The following CCDC136 variants were observed in gnomAD, a reference collection of about 807,000 sequenced individuals.
The protein encoded by CCDC136 is coiled-coil domain-containing protein 136.
Under a neutral mutation model 141.2 loss-of-function variants are expected in CCDC136, and 100 were observed. That is an observed-to-expected ratio of 0.71 (90% CI 0.60 to 0.84). The LOEUF (loss-of-function observed/expected upper bound fraction) is 0.84, where lower values mean the gene tolerates loss of function less well. Among genes scored for constraint, CCDC136 ranks in the 40% least tolerant of loss-of-function variants. The probability of loss-of-function intolerance (pLI) is 0.00; values close to 1 mark genes in which losing one functional copy is unlikely to be tolerated. For synonymous variants in CCDC136, 474 were observed against 531.9 expected (o/e 0.89, Z 1.50); for missense variants, 1,206 against 1,379.4 (o/e 0.87, Z 1.99).
In CCDC136 at chr7:128,792,021, C is replaced by T. The variant is rs1369071592; in HGVS notation, c.-391C>T. 6 of 1,221,758 alleles carry T rather than the reference C, an allele frequency of 4.9e-6. No individual in the cohort carries two copies. The highest frequency in any genetic ancestry group is 6.1e-6 in the Non-Finnish European group (6 of 977,720). The allele number at this position is 1,221,758 out of a possible 1,614,324, so 75.7% of individuals were successfully genotyped here. On this transcript the variant is annotated 5_prime_UTR_variant, in exon 1 of 18. Transcript: ENST00000297788. ...AGCCTCTTCTTCACTGGCTCCCGCC[C>T]TCTTTCAGTCTTGGCCCTCTCCTCC...
rs569665750 is a variant in CCDC136 at position 128,817,305 on chromosome 7, A to C, written c.3364-453A>C. Among the ~76,000 whole-genome samples, 15 of 152,256 alleles carry C rather than the reference A, an allele frequency of 9.9e-5. No individual in the cohort carries two copies. The East Asian group carries it at 2.7e-3, about 27-fold the overall frequency. On this transcript the variant is annotated intron_variant, in intron 16 of 17. Transcript: ENST00000297788. This position sits in a 1 kb window ranked among gnomAD's most constrained non-coding sequence, Gnocchi z 4.6. ...CTTACAATGATATCATTAGATTCCT[A>C]GGGGATCTAAGGGACCAGAGCCCAA... is the stretch of plus-strand genomic sequence containing the variant.
At position 128,794,526 on chromosome 7, in the gene CCDC136, G is replaced by T. The variant is rs1486636906; in HGVS notation, c.195G>T (p.Val65=). Reference sequence around the variant, plus strand: ...AGCTGGAGGAGCTGCGGGCTCAGGTGCTGCAGCTGGTGGCAGAACTGGAGG... The same window carrying T: ...AGCTGGAGGAGCTGCGGGCTCAGGTTCTGCAGCTGGTGGCAGAACTGGAGG... ...ETELEELRAQ[V]LQLVAELEET... is the part of the protein sequence containing the mutation. The change falls in exon 2 of 18, where the codon GTG becomes GTT. Residue 65 remains valine, a synonymous_variant. Coordinates refer to ENST00000297788, the MANE Select transcript of CCDC136 (RefSeq NM_022742.5). The surrounding 1 kb of genome is among the most constrained non-coding windows in gnomAD (Gnocchi z 4.3). 6.4e-7 allele frequency: 1 copy of T among 1,553,864 alleles called. No individual in the cohort carries two copies. The highest frequency in any genetic ancestry group is 1.2e-5 in the South Asian group (1 of 84,122).
Position 128,810,253 on chromosome 7 carries a change from C to T in CCDC136, c.1915C>T (p.Gln639Ter), listed in dbSNP as rs1805507203. ...IQNQDCVLKEQLEIHEELRRF... is the reference protein window; with the variant it reads ...IQNQDCVLKE ...GAACCAAGACTGTGTATTAAAAGAA[C>T]AATTAGAGATCCACGAAGAGCTGCG... Residue 639 changes from glutamine (Q) to a stop codon, truncating the protein, a stop_gained, in exon 12 of 18, where the codon CAA becomes TAA. Transcript: ENST00000297788. LOFTEE classifies it high-confidence loss of function. 4 of 1,613,470 alleles carry T rather than the reference C, an allele frequency of 2.5e-6. No homozygotes were observed. The African/African-American group carries it at 4.0e-5, about 16-fold the overall frequency.
At chr7:128,791,717 C>T (rs912854855), upstream of CCDC136, 10 of 451,970 alleles carry the variant, frequency 2.2e-5, no homozygotes, top group Admixed American at 1.8e-4. The surrounding 1 kb of genome is among the most constrained non-coding windows in gnomAD (Gnocchi z 7.1). Flanking sequence ...TCCATCCTTC[C>T]GGCCTGGGAC....
rs542645733 is a variant in CCDC136 at position 128,815,022 on chromosome 7, G to A, written c.3045+103G>A. On this transcript the variant is annotated intron_variant, in intron 15 of 17. Coordinates refer to ENST00000297788, the MANE Select transcript of CCDC136 (RefSeq NM_022742.5). Reference sequence around the variant, plus strand: ...TTCAACCAGGCAAGGGATTTGTAGAGAAGCTTCTGGGATCTCTGAAGTGTC... The same window carrying A: ...TTCAACCAGGCAAGGGATTTGTAGAAAAGCTTCTGGGATCTCTGAAGTGTC... 36 of 1,027,860 alleles carry A rather than the reference G, an allele frequency of 3.5e-5. 2 individuals are homozygous for A. The African/African-American group carries it at 5.2e-4, about 15-fold the overall frequency. 63.7% of individuals were successfully genotyped at this position (1,027,860 alleles called of 1,614,324 possible).
At chr7:128,815,271 T>G (rs1806418608) in intron 15 of CCDC136, among the ~76,000 whole-genome samples, 2 of 152,204 alleles carry the variant, frequency 1.3e-5, no homozygotes, top group Admixed American at 1.3e-4. Context: ...GGGAGGAATT[T>G]GTTCAAAGTA....
chr7:128,797,951 T>C (rs1350405004), intron 3 of CCDC136, among the ~76,000 whole-genome samples: 1 of 151,432 alleles, frequency 6.6e-6, no homozygotes, highest in Non-Finnish European at 1.5e-5. Context: ...GGAGTCTCGC[T>C]GTGTCGCCCA....
intron 4 of CCDC136, 117 bp downstream of exon 4, chr7:128,801,626 A>G: frequency 1.3e-6 from 1 of 778,542 alleles, no homozygotes; most frequent in Admixed American, 2.9e-5. Context: ...AAAAACCTCC[A>G]GGTTGAATTC....
chr7:128,797,707 G>A (rs990391798), intron 3 of CCDC136, among the ~76,000 whole-genome samples: 2 of 152,174 alleles, frequency 1.3e-5, no homozygotes, highest in Non-Finnish European at 2.9e-5. Flanking sequence ...TAGTCATTTT[G>A]AAGAGAAGCA....
At chr7:128,813,859 G>C (rs1806147747) in intron 14 of CCDC136, among the ~76,000 whole-genome samples, 1 of 152,060 alleles carries the variant, frequency 6.6e-6, no homozygotes, top group Admixed American at 6.5e-5. Context: ...GCGCATGCCT[G>C]TAATGCCAGC....
rs751857925 is a variant in CCDC136, at chr7:128,812,812, A to G, written c.2646A>G (p.Glu882=). ...ACAGCCAGCTGCAAGAGCAGATGGA[A>G]AAGTTACTGGCCAAGCAGAAAGACC... ...EEHSQLQEQM[E]KLLAKQKDLK... is the part of the protein sequence containing the mutation. Residue 882 remains glutamate, a synonymous_variant, in exon 14 of 18, where the codon GAA becomes GAG. Transcript: ENST00000297788. 17 of 1,613,382 alleles carry G rather than the reference A, an allele frequency of 1.1e-5. No homozygotes were observed.
Position 128,810,326 on chromosome 7 carries a change from A to G in CCDC136, c.1988A>G (p.Asp663Gly). ...HFQEVLENPD[D>G]SKLAKSSKCN... is the part of the protein sequence containing the mutation. ...CAGGAAGTGTTGGAGAATCCCGATG[A>G]TTCCAAATTGGCTAAGTCCTCCAAA... The change falls in exon 12 of 18, where the codon GAT becomes GGT. Residue 663 changes from aspartate (D) to glycine (G), a missense_variant. By Grantham distance (94) the Asp-to-Gly change is moderately conservative. Coordinates refer to ENST00000297788, the MANE Select transcript of CCDC136 (RefSeq NM_022742.5). 6.2e-7 allele frequency: 1 copy of G among 1,613,996 alleles called. No individual in the cohort carries two copies. The highest frequency in any genetic ancestry group is 8.5e-7 in the Non-Finnish European group (1 of 1,179,870).
At chr7:128,811,406 T>A (rs1407989132) in intron 12 of CCDC136, 2 of 459,664 alleles carry the variant, frequency 4.4e-6, no homozygotes, top group Non-Finnish European at 8.7e-6. Flanking sequence ...CGGGGCTGAT[T>A]TTAGAACTAG....
At chr7:128,809,681 G>A in intron 11 of CCDC136, 37 bp downstream of exon 11, 4 of 1,428,892 alleles carry the variant, frequency 2.8e-6, no homozygotes, top group Non-Finnish European at 3.7e-6. Flanking sequence ...CTGCGGGGAA[G>A]CTGCTCTGAG....
rs756641920 is a variant in CCDC136 at position 128,812,104 on chromosome 7, G to A, written c.2333G>A (p.Ser778Asn). 2 of 1,614,006 alleles carry A rather than the reference G, an allele frequency of 1.2e-6. No homozygotes were observed. ...GAGAGCTATTACAAGAGTTACACCA[G>A]CACCCAGACCAGCAGCAAGAGCTTT... The part of the protein sequence containing the change: ...DNESYYKSYT[S>N]TQTSSKSFLK... Residue 778 changes from serine to asparagine, a missense_variant, in exon 13 of 18, where the codon AGC (serine) becomes AAC (asparagine). Transcript: ENST00000297788.
intron 5 of CCDC136, 81 bp downstream of exon 5, chr7:128,804,842 GC>G: frequency 1.2e-6 from 1 of 859,678 alleles, no homozygotes; most frequent in Non-Finnish European, 1.9e-6. Flanking sequence ...GAAGGCAGAT[GC>G]CAGGGCAGTG....
Position 128,806,353 on chromosome 7 carries a change from C to CA in CCDC136, c.1209dup (p.Val404SerfsTer12). 6.2e-7 allele frequency: 1 copy of CA among 1,604,344 alleles called. No homozygotes were observed. Among genetic ancestry groups the CA allele is most frequent in the Non-Finnish European group, 8.5e-7 (1 of 1,175,474 alleles). On this transcript the variant is annotated frameshift_variant, in exon 8 of 18. Transcript: ENST00000297788. LOFTEE classifies it high-confidence loss of function. Reference sequence around the variant, plus strand: ...AACTTCAGACTGAGCTCCGGCAGCTCAAAGTCATGAAATCCACACTTGTAG... The same window carrying CA: ...AACTTCAGACTGAGCTCCGGCAGCTCAAAAGTCATGAAATCCACACTTGTAG...
Position 128,806,344 on chromosome 7 carries a change from C to T in CCDC136, c.1197C>T (p.Leu399=), listed in dbSNP as rs191944826. 723 of 1,602,814 alleles carry T rather than the reference C, an allele frequency of 4.5e-4. No individual in the cohort carries two copies. The highest frequency in any genetic ancestry group is 1.5e-3 in the Middle Eastern group (9 of 6,058). Residue 399 remains leucine, a synonymous_variant, in exon 8 of 18, where the codon CTC becomes CTT. Transcript: ENST00000297788. The part of the protein sequence containing the change: ...LKMQLQLQTE[L]RQLKVMKSTL... ...TGCAGCTGCAACTTCAGACTGAGCT[C>T]CGGCAGCTCAAAGTCATGAAATCCA...
Position 128,792,426 on chromosome 7 carries a change from G to T in CCDC136, c.15G>T (p.Glu5Asp). The change falls in exon 1 of 18, where the codon GAG becomes GAT. Residue 5 changes from glutamate to aspartate, a missense_variant and splice_region_variant. By Grantham distance (45) the Glu-to-Asp change is conservative (BLOSUM62 2). Coordinates refer to ENST00000297788, the MANE Select transcript of CCDC136 (RefSeq NM_022742.5). The stretch of plus-strand genomic sequence containing the variant: ...AACGACGGGGGATGCAAGCTATGGA[G>T]GGTGAGTTTTCCCAAAAGGCTTCTT... MQAM[E>D]GEVLLPALYE... 1 of 1,605,582 alleles carries T rather than the reference G, an allele frequency of 6.2e-7. No homozygotes were observed.
Sources: gnomAD v4.1 joint callset for allele counts (sites outside exome capture counted in the v4.1 genomes callset) on GRCh38, gnomAD v4.1.1 for gene constraint, Gnocchi (gnomAD v3.1) non-coding constraint, MANE v1.5 for transcripts, NCBI Gene and HGNC (gene_info 2026-07-23, HGNC 2026-07-21) for gene names.